Variants in ZBTB40 observed in about 807,000 individuals in gnomAD.
ZBTB40 encodes the protein zinc finger and BTB domain-containing protein 40.
Under a neutral mutation model 117.5 loss-of-function variants are expected in ZBTB40, and 60 were observed. That is an observed-to-expected ratio of 0.51 (90% CI 0.41 to 0.63). The LOEUF is 0.63. Among genes scored for constraint, ZBTB40 ranks in the 30% least tolerant of loss-of-function variants. The pLI, the probability that ZBTB40 is intolerant of heterozygous loss-of-function variation, is 0.00. For synonymous variants in ZBTB40, 525 were observed against 577.1 expected (o/e 0.91, Z 1.29); for missense variants, 1,287 against 1,498.5 (o/e 0.86, Z 2.33).
intron 1 of ZBTB40, among the ~76,000 whole-genome samples, chr1:22,482,940 G>A (rs1444465731): frequency 7.2e-5 from 11 of 152,064 alleles, no homozygotes; most frequent in South Asian, 4.1e-4. Context: ...TTAGCCAGGC[G>A]TGGTGGCGGG....
intron 3 of ZBTB40, among the ~76,000 whole-genome samples, chr1:22,497,282 T>G (rs749257085): frequency 1.3e-5 from 2 of 152,216 alleles, no homozygotes; most frequent in Non-Finnish European, 2.9e-5. Flanking sequence ...TTTTTCTCCT[T>G]CAACTTTATT....
chr1:22,479,948 T>C (rs1638243342), intron 1 of ZBTB40, among the ~76,000 whole-genome samples: 2 of 152,188 alleles, frequency 1.3e-5, no homozygotes, highest in African/African-American at 4.8e-5. Context: ...ACTCTGTCGC[T>C]GAGGCTGGAG....
chr1:22,433,432 C>CAAAGAACAAAAACAAAAACAA (rs1640623853), intron 1 of ZBTB40, among the ~76,000 whole-genome samples: 1 of 8,764 alleles, frequency 1.1e-4, no homozygotes, highest in African/African-American at 2.5e-4. Flanking sequence ...GACGCCCTCT[C>CAAAGAACAAAAACAAAAACAA]AAAAAAAAAA....
chr1:22,484,825 TAGTTTGTTGGAGTTTTTATC>T (rs1638421861), intron 1 of ZBTB40, among the ~76,000 whole-genome samples: 1 of 152,230 alleles, frequency 6.6e-6, no homozygotes, highest in Admixed American at 6.5e-5. Context: ...CCTCTATTTC[TAGTTTGTTGGAGTTTTTATC>T]ATGAATGGGC....
chr1:22,452,088 T>C (rs1476381222), intron 1 of ZBTB40, 84 bp downstream of exon 1: 1 of 152,474 alleles, frequency 6.6e-6, no homozygotes, highest in Non-Finnish European at 1.5e-5. Context: ...GAGGGGTGTA[T>C]ACAGACCCTT....
chr1:22,514,915 T>A lies in ZBTB40; in HGVS notation c.2668+1785T>A, dbSNP rs183621779. On this transcript the variant is annotated intron_variant, in intron 12 of 17. Transcript: ENST00000375647. ...AAGCATTGTTTCAGACATGGGGTAT[T>A]ATAAATATACGCACCCCTGTCATGG... Among the ~76,000 whole-genome samples the A allele has an allele frequency of 3.3e-5, 5 of 152,324 alleles. No homozygotes were observed. In the East Asian group the frequency reaches 9.6e-4, roughly 29 times the overall value.
intron 1 of ZBTB40, among the ~76,000 whole-genome samples, chr1:22,439,111 C>T (rs1307009961): frequency 6.6e-6 from 1 of 152,188 alleles, no homozygotes; most frequent in Admixed American, 6.5e-5. Flanking sequence ...TGTTATCCAC[C>T]CGCCTTGGCC....
intron 1 of ZBTB40, among the ~76,000 whole-genome samples, chr1:22,461,635 G>A (rs1467124054): frequency 6.6e-6 from 1 of 152,160 alleles, no homozygotes; most frequent in Non-Finnish European, 1.5e-5. Context: ...TACACAGAGG[G>A]GTACTGAAGG....
intron 1 of ZBTB40, among the ~76,000 whole-genome samples, chr1:22,480,260 A>G (rs960904495): frequency 9.2e-5 from 14 of 151,860 alleles, no homozygotes; most frequent in African/African-American, 3.4e-4. Flanking sequence ...AAACTTTGCA[A>G]ATATCTGCCA....
chr1:22,436,355 C>T (rs1640670571), intron 1 of ZBTB40, among the ~76,000 whole-genome samples: 1 of 151,060 alleles, frequency 6.6e-6, no homozygotes, highest in Non-Finnish European at 1.5e-5. Flanking sequence ...ACTAAAAATA[C>T]AAAAAAATTA....
intron 3 of ZBTB40, among the ~76,000 whole-genome samples, chr1:22,498,180 A>G (rs1227515058): frequency 6.6e-6 from 1 of 152,198 alleles, no homozygotes; most frequent in African/African-American, 2.4e-5. Context: ...TATTAACATG[A>G]ATTTATTGAA....
intron 1 of ZBTB40, among the ~76,000 whole-genome samples, chr1:22,475,138 C>T (rs142622292): frequency 5.9e-5 from 9 of 152,258 alleles, no homozygotes; most frequent in Non-Finnish European, 1.0e-4. Context: ...GTGGGTCTAG[C>T]TTTTGCTTCA....
intron 5 of ZBTB40, 58 bp downstream of exon 5, chr1:22,502,499 G>T (rs2124444927): frequency 6.2e-7 from 1 of 1,609,978 alleles, no homozygotes; most frequent in African/African-American, 1.3e-5. Flanking sequence ...TTAAAAAAAT[G>T]CTTTTGTGGC....
chr1:22,511,046 C>T (rs1352467759), intron 9 of ZBTB40, 133 bp from the exon 10 acceptor site: 40 of 1,119,734 alleles, frequency 3.6e-5, no homozygotes, highest in East Asian at 2.1e-4. Flanking sequence ...TATCACAAGG[C>T]GATGTATAAA....
Position 22,490,047 on chromosome 1 carries a change from T to A in ZBTB40, c.99T>A (p.Ile33=), listed in dbSNP as rs753088072. The change falls in exon 2 of 18, where the codon ATT becomes ATA. Residue 33 remains isoleucine, a synonymous_variant. Transcript: ENST00000375647. The part of the protein sequence containing the change: ...FCDCTISIGT[I]YFRAHKLVLA... ...ATTGCACCATCTCCATTGGTACCAT[T>A]TACTTCAGGGCTCACAAGCTTGTCC... The A allele has an allele frequency of 7.4e-6, 12 of 1,614,072 alleles. No individual in the cohort carries two copies. The South Asian group carries it at 1.3e-4, about 18-fold the overall frequency.
At chr1:22,458,753 C>T (rs7519210) in intron 1 of ZBTB40, among the ~76,000 whole-genome samples, 43,747 of 151,954 alleles carry the variant, frequency 0.29, 7,703 homozygotes, top group East Asian at 0.45. Flanking sequence ...AGGAAACTGG[C>T]CAATTTTTAT....
At chr1:22,442,555 T>C (rs1455601337) in intron 1 of ZBTB40, among the ~76,000 whole-genome samples, 1 of 152,330 alleles carries the variant, frequency 6.6e-6, no homozygotes, top group East Asian at 1.9e-4. Flanking sequence ...GAGAACTGCT[T>C]ACAATATAGG....
At position 22,501,104 on chromosome 1, in the gene ZBTB40, G is replaced by A. The variant is rs142218989; in HGVS notation, c.832-388G>A. 3.3e-3 allele frequency among the ~76,000 whole-genome samples: 495 copies of A among 152,210 alleles called. 3 individuals are homozygous for A. Among genetic ancestry groups the A allele is most frequent in the Non-Finnish European group, 5.1e-3 (347 of 68,006 alleles). On this transcript the variant is annotated intron_variant, in intron 3 of 17. Coordinates refer to ENST00000375647, the MANE Select transcript of ZBTB40 (RefSeq NM_014870.4). ...TGTGCCAGGCTATGCTATTTGCTGC[G>A]GATACAGAGCCCTAGAAAGCATAAT...
At chr1:22,433,442 A>AAAAAAAAAAAAAAAAAAAAAAAAAAAAAC (rs1640625836) in intron 1 of ZBTB40, among the ~76,000 whole-genome samples, 1 of 139,822 alleles carries the variant, frequency 7.2e-6, no homozygotes, top group Non-Finnish European at 1.6e-5. Context: ...CAAAAAAAAA[A>AAAAAAAAAAAAAAAAAAAAAAAAAAAAAC]AAAAAAAAAA....
Sources: allele counts gnomAD v4.1 joint callset (sites outside exome capture counted in the v4.1 genomes callset), GRCh38; gene constraint gnomAD v4.1.1; transcripts MANE v1.5; gene names NCBI Gene and HGNC (gene_info 2026-07-23, HGNC 2026-07-21).